Variants in MTMR8 observed in about 807,000 individuals in gnomAD.
MTMR8 encodes myotubularin related protein 8.
Under a neutral mutation model 39.3 loss-of-function variants are expected in MTMR8, and 65 were observed. That is an observed-to-expected ratio of 1.65 (90% confidence interval 1.35 to 2.03). The LOEUF is 2.03. Ranked by LOEUF, MTMR8 falls within the 30% of genes most tolerant of loss-of-function variation. The pLI is 0.00. For missense variants in MTMR8, 777 were observed against 538.9 expected, an observed-to-expected ratio of 1.44 and a Z score of -4.37; for synonymous variants, 245 against 185.2, an observed-to-expected ratio of 1.32 and a Z score of -2.62.
At chrX:64,364,360 G>A (rs1923884504) in intron 1 of MTMR8, among the ~76,000 whole-genome samples, 1 of 111,845 alleles carries the variant, frequency 8.9e-6, no homozygotes, top group Non-Finnish European at 1.9e-5. Context: ...CCTCATACAG[G>A]CGGGTGCCCC....
Position 64,348,812 on chromosome X carries a change from G to C in MTMR8, c.598-18C>G. On this transcript the variant is annotated intron_variant, in intron 5 of 13. Coordinates refer to ENST00000374852, the MANE Select transcript of MTMR8 (RefSeq NM_017677.4). The stretch of plus-strand genomic sequence containing the variant: ...ATGGCAGCCTGTAAGGAAAAGGTGT[G>C]TCAGTTGAGTGATTATATTCACAAA... 1 of 1,208,162 alleles carries C rather than the reference G, an allele frequency of 8.3e-7. No individual in the cohort carries two copies. The highest frequency in any genetic ancestry group is 1.1e-6 in the Non-Finnish European group (1 of 893,137).
chrX:64,391,478 G>T (rs1272932965), intron 1 of MTMR8, among the ~76,000 whole-genome samples: 1 of 111,857 alleles, frequency 8.9e-6, no homozygotes, highest in East Asian at 2.8e-4. Context: ...CAGATCACAA[G>T]ACAGAATAGA....
At chrX:64,341,599 A>T (rs1478939106) in intron 8 of MTMR8, among the ~76,000 whole-genome samples, 20 of 111,649 alleles carry the variant, frequency 1.8e-4, no homozygotes, top group African/African-American at 6.5e-4. Context: ...ATATGGTAGT[A>T]ACCAGCCACC....
chrX:64,289,428 A>G (rs1270395444), intron 12 of MTMR8, among the ~76,000 whole-genome samples: 1 of 110,193 alleles, frequency 9.1e-6, no homozygotes, highest in East Asian at 2.8e-4. Context: ...CCAGATACGT[A>G]TCAAAAGAAT....
chrX:64,286,020 A>C (rs891128749), intron 12 of MTMR8, among the ~76,000 whole-genome samples: 2 of 111,887 alleles, frequency 1.8e-5, no homozygotes, highest in African/African-American at 6.5e-5. Context: ...CTCTTCAAAA[A>C]ATCAATGAAT....
chrX:64,299,380 G>A (rs1224489789), intron 12 of MTMR8, among the ~76,000 whole-genome samples: 1 of 105,323 alleles, frequency 9.5e-6, no homozygotes, highest in Admixed American at 1.0e-4. Context: ...GGTGTTTGTA[G>A]TATTCTCTGA....
Position 64,271,064 on chromosome X carries a change from A to C in MTMR8, c.1491T>G (p.Cys497Trp). 2 of 1,196,444 alleles carry C rather than the reference A, an allele frequency of 1.7e-6. No homozygotes were observed. Among genetic ancestry groups the C allele is most frequent in the Non-Finnish European group, 2.2e-6 (2 of 889,238 alleles). The change falls in exon 13 of 14, where the codon TGT becomes TGG. Residue 497 changes from cysteine to tryptophan, a missense_variant. Transcript: ENST00000374852. ...CTTTGTCAAAGCGGTTATACATCCC[A>C]CACCAGAACCTCAAATAGACAAAAA... ...STVPYNIQFW[C>W]GMYNRFDKGL... is the part of the protein sequence containing the mutation.
At chrX:64,355,034 T>C in intron 3 of MTMR8, 100 bp from the exon 4 acceptor site, 2 of 792,915 alleles carry the variant, frequency 2.5e-6, no homozygotes, top group African/African-American at 4.2e-5. Context: ...CCTAAGGGAA[T>C]GTTTGTCAAA....
intron 4 of MTMR8, among the ~76,000 whole-genome samples, chrX:64,353,266 A>C (rs1016220677): frequency 5.4e-5 from 6 of 112,001 alleles, no homozygotes; most frequent in African/African-American, 1.9e-4. Context: ...TGAGCCAAAA[A>C]TCTCCATGGC....
chrX:64,316,539 T>A (rs985870681), intron 12 of MTMR8, among the ~76,000 whole-genome samples: 3 of 111,307 alleles, frequency 2.7e-5, no homozygotes, highest in African/African-American at 9.8e-5. Flanking sequence ...TCCCAGCTAC[T>A]CAGGAGGCTG....
intron 1 of MTMR8, 73 bp downstream of exon 1, chrX:64,395,267 G>A: frequency 4.7e-6 from 5 of 1,067,235 alleles, no homozygotes; most frequent in Non-Finnish European, 5.2e-6. Flanking sequence ...GGCTGAGGAG[G>A]TGTGTCTGGG....
chrX:64,391,424 G>A (rs1350200950), intron 1 of MTMR8, among the ~76,000 whole-genome samples: 2 of 112,185 alleles, frequency 1.8e-5, no homozygotes, highest in African/African-American at 3.2e-5. Flanking sequence ...CTAAGAGGCT[G>A]TAAACTTGGA....
intron 12 of MTMR8, among the ~76,000 whole-genome samples, chrX:64,302,865 T>A (rs1056628546): frequency 8.9e-5 from 10 of 112,305 alleles, no homozygotes; most frequent in Admixed American, 3.8e-4. Context: ...CCTGCTGTGC[T>A]GCCTAGCAAC....
intron 12 of MTMR8, among the ~76,000 whole-genome samples, chrX:64,292,485 G>T (rs1921435227): frequency 9.0e-6 from 1 of 110,727 alleles, no homozygotes; most frequent in East Asian, 2.9e-4. Flanking sequence ...TCAAACTCCT[G>T]CAGGAGATGA....
intron 12 of MTMR8, among the ~76,000 whole-genome samples, chrX:64,293,926 T>C (rs995314896): frequency 8.9e-6 from 1 of 111,952 alleles, no homozygotes; most frequent in Non-Finnish European, 1.9e-5. Flanking sequence ...CGTAACTCCA[T>C]AGAACCTAAG....
intron 1 of MTMR8, among the ~76,000 whole-genome samples, chrX:64,363,681 AG>A (rs778246951): frequency 4.5e-5 from 5 of 111,743 alleles, no homozygotes; most frequent in Non-Finnish European, 9.4e-5. Context: ...CCGACGCAAA[AG>A]ATAGTGATTT....
Position 64,343,698 on chromosome X carries a change from T to C in MTMR8, c.888A>G (p.Thr296=). 1.7e-6 allele frequency: 2 copies of C among 1,203,107 alleles called. No homozygotes were observed. Among genetic ancestry groups the C allele is most frequent in the Non-Finnish European group, 2.3e-6 (2 of 888,879 alleles). Residue 296 remains threonine, a synonymous_variant, in exon 8 of 14, where the codon ACA becomes ACG. Transcript: ENST00000374852. ...LLEVCELKTP[T]MSEFLSGLES... is the part of the protein sequence containing the mutation. ...CCAGGCCGCTAAGAAATTCACTCAT[T>C]GTTGGAGTTTTCAATTCACAAACTA...
At chrX:64,285,374 G>A (rs1434709925) in intron 12 of MTMR8, among the ~76,000 whole-genome samples, 2 of 110,806 alleles carry the variant, frequency 1.8e-5, no homozygotes, top group Middle Eastern at 4.2e-3. Context: ...AATAATAATG[G>A]GAGACTTTAA....
At chrX:64,311,069 T>C in intron 12 of MTMR8, among the ~76,000 whole-genome samples, 1 of 112,067 alleles carries the variant, frequency 8.9e-6, no homozygotes, top group South Asian at 3.7e-4. Context: ...CCTTGAGGAA[T>C]CACCACACTG....
Sources: gnomAD v4.1 joint callset for allele counts (sites outside exome capture counted in the v4.1 genomes callset) on GRCh38, gnomAD v4.1.1 for gene constraint, MANE v1.5 for transcripts, NCBI Gene and HGNC (gene_info 2026-07-23, HGNC 2026-07-21) for gene names.